Variants in NSMCE2 observed in about 807,000 individuals in gnomAD.
The protein encoded by NSMCE2 is NSE2 SUMO ligase component of SMC5/6 complex.
NSMCE2 carries 24 observed loss-of-function variants against 23.8 expected under a neutral mutation model. The observed-to-expected ratio is 1.01, with a 90% CI of 0.73 to 1.42. The LOEUF is 1.42. NSMCE2 is among the 40% of genes most tolerant of loss of function. The probability of loss-of-function intolerance (pLI) is 0.00; values close to 1 mark genes in which losing one functional copy is unlikely to be tolerated. For synonymous variants in NSMCE2, 92 were observed against 94.1 expected (o/e 0.98, Z 0.13); for missense variants, 284 against 296.5 (o/e 0.96, Z 0.31).
At chr8:125,096,288 G>A (rs962526005) in intron 1 of NSMCE2, among the ~76,000 whole-genome samples, 2 of 152,166 alleles carry the variant, frequency 1.3e-5, no homozygotes, top group Non-Finnish European at 2.9e-5. Flanking sequence ...GCATATATAG[G>A]CATGTAACCG....
At chr8:125,134,475 A>G (rs1024983787) in intron 3 of NSMCE2, among the ~76,000 whole-genome samples, 8 of 152,164 alleles carry the variant, frequency 5.3e-5, no homozygotes, top group African/African-American at 1.7e-4. Context: ...TAGATATGCA[A>G]TGGTATCTTA....
chr8:125,217,164 T>A (rs1435099113), intron 5 of NSMCE2, among the ~76,000 whole-genome samples: 1 of 152,182 alleles, frequency 6.6e-6, no homozygotes, highest in African/African-American at 2.4e-5. Context: ...ACCCCTTTGA[T>A]AGTTGTTCCC....
intron 5 of NSMCE2, among the ~76,000 whole-genome samples, chr8:125,238,322 C>T (rs1825638201): frequency 6.6e-6 from 1 of 152,290 alleles, no homozygotes; most frequent in East Asian, 1.9e-4. Flanking sequence ...CAAAGGGTTT[C>T]AAGTTCCATG....
At chr8:125,166,512 C>G (rs1040895541) in intron 4 of NSMCE2, among the ~76,000 whole-genome samples, 3 of 152,204 alleles carry the variant, frequency 2.0e-5, no homozygotes, top group Non-Finnish European at 2.9e-5. Flanking sequence ...AGCGATCTCC[C>G]CGCTTTGGCC....
chr8:125,312,971 A>G (rs1829026611), intron 5 of NSMCE2, among the ~76,000 whole-genome samples: 1 of 152,140 alleles, frequency 6.6e-6, no homozygotes, highest in Admixed American at 6.6e-5. Context: ...CCCTGGGGCT[A>G]GAGTGAATTT....
In NSMCE2 at chr8:125,160,556, A is replaced by G. The variant is rs185060893; in HGVS notation, c.264+9279A>G. On this transcript the variant is annotated intron_variant, in intron 4 of 7. Coordinates refer to ENST00000287437, the MANE Select transcript of NSMCE2 (RefSeq NM_173685.4). ...GGGGAACTGGGCCAATGCAGAGGCC[A>G]GTGAACAATGTGACATTTGGCCAGC... 1.1e-3 allele frequency among the ~76,000 whole-genome samples: 160 copies of G among 152,364 alleles called. 2 individuals carry two copies. Among genetic ancestry groups the G allele is most frequent in the Admixed American group, 0.01 (156 of 15,310 alleles).
chr8:125,345,520 C>G (rs772868478), intron 5 of NSMCE2, among the ~76,000 whole-genome samples: 1 of 152,194 alleles, frequency 6.6e-6, no homozygotes, highest in Non-Finnish European at 1.5e-5. Context: ...GAACATGAAG[C>G]TGAATCAGAC....
intron 5 of NSMCE2, among the ~76,000 whole-genome samples, chr8:125,283,710 G>A (rs1271023859): frequency 6.6e-6 from 1 of 152,172 alleles, no homozygotes; most frequent in Non-Finnish European, 1.5e-5. Flanking sequence ...TGGTAGCGGG[G>A]AGGGCTGTCC....
intron 4 of NSMCE2, among the ~76,000 whole-genome samples, chr8:125,176,979 G>T (rs2130787205): frequency 6.6e-6 from 1 of 152,310 alleles, no homozygotes; most frequent in South Asian, 2.1e-4. Context: ...AAGGACAATT[G>T]ACATGCTTTC....
At chr8:125,302,419 G>A (rs1828601822) in intron 5 of NSMCE2, among the ~76,000 whole-genome samples, 1 of 152,190 alleles carries the variant, frequency 6.6e-6, no homozygotes, top group South Asian at 2.1e-4. Context: ...CATGGAATGA[G>A]TGAGGGAAAG....
intron 5 of NSMCE2, among the ~76,000 whole-genome samples, chr8:125,264,400 G>A (rs958614788): frequency 6.6e-6 from 1 of 152,090 alleles, no homozygotes; most frequent in Non-Finnish European, 1.5e-5. Context: ...GACAGGGCAG[G>A]CTGTTCTTGT....
intron 5 of NSMCE2, among the ~76,000 whole-genome samples, chr8:125,347,114 A>G (rs1812798073): frequency 6.6e-6 from 1 of 152,204 alleles, no homozygotes; most frequent in Non-Finnish European, 1.5e-5. Context: ...AACTTTTCAT[A>G]CATTAACTCA....
intron 4 of NSMCE2, among the ~76,000 whole-genome samples, chr8:125,176,948 A>G (rs1822528558): frequency 6.6e-6 from 1 of 152,194 alleles, no homozygotes; most frequent in South Asian, 2.1e-4. Flanking sequence ...GTCTAGCCCC[A>G]TAGGCATTTC....
chr8:125,137,237 A>G (rs1328408623), intron 3 of NSMCE2, among the ~76,000 whole-genome samples: 1 of 152,142 alleles, frequency 6.6e-6, no homozygotes, highest in Non-Finnish European at 1.5e-5. Flanking sequence ...ATTTAGATGG[A>G]CATTTGAGAG....
intron 5 of NSMCE2, among the ~76,000 whole-genome samples, chr8:125,326,108 T>A (rs972913208): frequency 6.6e-6 from 1 of 151,714 alleles, no homozygotes; most frequent in Non-Finnish European, 1.5e-5. Flanking sequence ...ATACAAAAAA[T>A]TAGCTGGGTG....
At chr8:125,333,607 C>T (rs980949198) in intron 5 of NSMCE2, among the ~76,000 whole-genome samples, 4 of 145,922 alleles carry the variant, frequency 2.7e-5, no homozygotes, top group African/African-American at 7.7e-5. Flanking sequence ...CTCCGCCTCC[C>T]GGGTTCACGC....
At chr8:125,244,032 T>G (rs1043346978) in intron 5 of NSMCE2, among the ~76,000 whole-genome samples, 6 of 131,460 alleles carry the variant, frequency 4.6e-5, no homozygotes, top group African/African-American at 1.4e-4. Flanking sequence ...ATTGTAAGAG[T>G]TTTTTTTTTA....
chr8:125,289,356 T>G (rs1227838267), intron 5 of NSMCE2, among the ~76,000 whole-genome samples: 1 of 152,198 alleles, frequency 6.6e-6, no homozygotes, highest in African/African-American at 2.4e-5. Context: ...GAACATGTAT[T>G]GCTAAGTGCC....
At chr8:125,133,736 ACAAAGCAACAGAGCAAGACTCCATCTC>A in intron 3 of NSMCE2, among the ~76,000 whole-genome samples, 1 of 152,002 alleles carries the variant, frequency 6.6e-6, no homozygotes, top group African/African-American at 2.4e-5. Context: ...TCTCAAAAAA[ACAAAGCAACAGAGCAAGACTCCATCTC>A]AAAAAACAAA....
Sources: gnomAD v4.1 joint callset for allele counts (sites outside exome capture counted in the v4.1 genomes callset) on GRCh38, gnomAD v4.1.1 for gene constraint, MANE v1.5 for transcripts, NCBI Gene and HGNC (gene_info 2026-07-23, HGNC 2026-07-21) for gene names.